Variants in SPAG16 observed in about 807,000 individuals in gnomAD.
SPAG16 encodes the protein sperm associated antigen 16.
In SPAG16, 86 loss-of-function variants were observed where a neutral mutation model predicts 80.4. The observed-to-expected ratio is 1.07, with a 90% CI of 0.90 to 1.28. SPAG16 has a LOEUF of 1.28. Ranked by LOEUF, SPAG16 falls within the 50% of genes most tolerant of loss-of-function variation. SPAG16 has a pLI of 0.00. For synonymous variants in SPAG16, 294 were observed against 265.9 expected (o/e 1.11, Z -1.03); for missense variants, 870 against 765.3 (o/e 1.14, Z -1.61).
rs552731141 is a variant in SPAG16, at chr2:213,546,958, T to C, written c.1070+56868T>C. Among the ~76,000 whole-genome samples the C allele has an allele frequency of 9.5e-4, 144 of 152,312 alleles. 3 individuals carry two copies. Among genetic ancestry groups the C allele is most frequent in the Admixed American group, 7.8e-4 (12 of 15,304 alleles). The stretch of plus-strand genomic sequence containing the variant: ...TTGAAAAAGCTGTATAATGCAGTTA[T>C]ATTCCTTTGTTTATGTAGCTAGAAG... On this transcript the variant is annotated intron_variant, in intron 10 of 15. Coordinates refer to ENST00000331683, the MANE Select transcript of SPAG16 (RefSeq NM_024532.5).
chr2:213,449,061 A>G (rs115115080), intron 9 of SPAG16, among the ~76,000 whole-genome samples: 2,201 of 152,156 alleles, frequency 0.014, 24 homozygotes, highest in South Asian at 0.037. Context: ...TAATATTAAT[A>G]CCCTGGGAAA....
At chr2:214,270,729 G>A (rs952266076) in intron 15 of SPAG16, among the ~76,000 whole-genome samples, 2 of 151,950 alleles carry the variant, frequency 1.3e-5, no homozygotes, top group African/African-American at 4.8e-5. Flanking sequence ...TCTCCATAGC[G>A]CCCTACAGTT....
intron 9 of SPAG16, among the ~76,000 whole-genome samples, chr2:213,471,855 T>G (rs1282044972): frequency 6.6e-6 from 1 of 152,190 alleles, no homozygotes; most frequent in Admixed American, 6.5e-5. Flanking sequence ...TGCCTCTTTC[T>G]TGGTTGTAGG....
intron 15 of SPAG16, among the ~76,000 whole-genome samples, chr2:214,405,497 T>C (rs1701946245): frequency 6.6e-6 from 1 of 152,172 alleles, no homozygotes; most frequent in Admixed American, 6.5e-5. Flanking sequence ...AAGTTTTCAA[T>C]TCAAATCCCA....
At chr2:214,176,615 C>G (rs1241522429) in intron 15 of SPAG16, among the ~76,000 whole-genome samples, 2 of 151,142 alleles carry the variant, frequency 1.3e-5, no homozygotes, top group African/African-American at 2.4e-5. Context: ...CCTTTGATTC[C>G]AAAGAATGTA....
chr2:213,479,102 T>C (rs1460329581), intron 9 of SPAG16, among the ~76,000 whole-genome samples: 1 of 146,444 alleles, frequency 6.8e-6, no homozygotes, highest in Admixed American at 6.8e-5. Context: ...TCCTTTTTTT[T>C]TTTTTTTTTT....
chr2:213,661,039 C>T (rs372257577), intron 10 of SPAG16, among the ~76,000 whole-genome samples: 1 of 152,106 alleles, frequency 6.6e-6, no homozygotes, highest in African/African-American at 2.4e-5. Flanking sequence ...TTTCGTAGCC[C>T]CCACTGCCTG....
intron 10 of SPAG16, among the ~76,000 whole-genome samples, chr2:213,680,434 TAA>T (rs35027044): frequency 6.2e-5 from 9 of 144,676 alleles, no homozygotes; most frequent in Non-Finnish European, 9.1e-5. Context: ...CTCTAGTAGT[TAA>T]AAAAAAAAAA....
At chr2:213,831,946 A>G (rs1243388465) in intron 10 of SPAG16, among the ~76,000 whole-genome samples, 1 of 152,004 alleles carries the variant, frequency 6.6e-6, no homozygotes, top group Non-Finnish European at 1.5e-5. Context: ...GCTGTTGAAC[A>G]CTGGGCTATA....
At chr2:214,114,590 C>T (rs11682052) in intron 14 of SPAG16, among the ~76,000 whole-genome samples, 29,149 of 152,178 alleles carry the variant, frequency 0.19, 3,565 homozygotes, top group Non-Finnish European at 0.28. Flanking sequence ...GCTCCATGAG[C>T]GTGGGACCCC....
At chr2:213,987,857 T>G (rs1344431193) in intron 12 of SPAG16, among the ~76,000 whole-genome samples, 1 of 147,738 alleles carries the variant, frequency 6.8e-6, no homozygotes, top group Non-Finnish European at 1.5e-5. Flanking sequence ...AATTTTAATA[T>G]AAATATAAAA....
At chr2:214,175,091 A>G (rs2057023898) in intron 15 of SPAG16, among the ~76,000 whole-genome samples, 1 of 151,404 alleles carries the variant, frequency 6.6e-6, no homozygotes, top group Admixed American at 6.6e-5. Context: ...TGCAGTCAAC[A>G]GAAATTGATT....
At chr2:214,199,906 A>G (rs2057959727) in intron 15 of SPAG16, among the ~76,000 whole-genome samples, 1 of 152,036 alleles carries the variant, frequency 6.6e-6, no homozygotes, top group African/African-American at 2.4e-5. Context: ...CAGCTTGGTC[A>G]TTTTTGGTGT....
At chr2:214,061,322 C>G (rs2050246095) in intron 13 of SPAG16, among the ~76,000 whole-genome samples, 1 of 152,066 alleles carries the variant, frequency 6.6e-6, no homozygotes, top group African/African-American at 2.4e-5. Flanking sequence ...CCACAGGGCA[C>G]TAGGTTAGTA....
intron 1 of SPAG16, among the ~76,000 whole-genome samples, chr2:213,295,748 ATAT>A: frequency 6.6e-6 from 1 of 152,232 alleles, no homozygotes; most frequent in East Asian, 1.9e-4. Flanking sequence ...CTACCTTATG[ATAT>A]TATGTATATT....
intron 12 of SPAG16, among the ~76,000 whole-genome samples, chr2:213,996,565 C>CTTTTTT (rs57100155): frequency 1.2e-4 from 14 of 116,960 alleles, no homozygotes; most frequent in East Asian, 2.5e-4. Context: ...TAATGCTATT[C>CTTTTTT]TTTTTTTTTT....
chr2:213,847,251 A>G (rs1243633460), intron 10 of SPAG16, among the ~76,000 whole-genome samples: 1 of 152,126 alleles, frequency 6.6e-6, no homozygotes, highest in Non-Finnish European at 1.5e-5. Context: ...TTTGGCATGG[A>G]CATTGTGTTA....
At chr2:213,374,353 A>G (rs2066784102) in intron 8 of SPAG16, among the ~76,000 whole-genome samples, 1 of 152,080 alleles carries the variant, frequency 6.6e-6, no homozygotes, top group African/African-American at 2.4e-5. Flanking sequence ...TATTTGTGTT[A>G]GTGATTATAA....
At chr2:213,962,790 A>G (rs1283946693) in intron 12 of SPAG16, among the ~76,000 whole-genome samples, 1 of 152,194 alleles carries the variant, frequency 6.6e-6, no homozygotes, top group Non-Finnish European at 1.5e-5. Context: ...TTCAGAGGTC[A>G]TGTCTTCCTA....
Sources: allele counts gnomAD v4.1 joint callset (sites outside exome capture counted in the v4.1 genomes callset), GRCh38; gene constraint gnomAD v4.1.1; transcripts MANE v1.5; gene names NCBI Gene and HGNC (gene_info 2026-07-23, HGNC 2026-07-21).